HIGD1C: variants seen among roughly 807,000 people sequenced by gnomAD.
The protein encoded by HIGD1C is HIG1 domain family member 1C.
HIGD1C carries 11 observed loss-of-function variants against 13.1 expected under a neutral mutation model. The observed-to-expected ratio is 0.84, with a 90% CI of 0.53 to 1.39. HIGD1C has a LOEUF of 1.39. HIGD1C is among the 40% of genes most tolerant of loss of function. HIGD1C has a pLI of 0.00. For synonymous variants in HIGD1C, 36 were observed against 37.7 expected, an observed-to-expected ratio of 0.95 and a Z score of 0.17; for missense variants, 110 against 112.0, an observed-to-expected ratio of 0.98 and a Z score of 0.08.
chr12:50,932,357 C>A, the HIGD1C span: 2 of 152,044 alleles, frequency 1.3e-5, no homozygotes, highest in African/African-American at 4.8e-5. Flanking sequence ...CCTCTGAAAG[C>A]GAGTGTTAGG....
chr12:50,961,832 G>A (rs4768871), intron 2 of HIGD1C, among the ~76,000 whole-genome samples: 9,575 of 152,198 alleles, frequency 0.063, 661 homozygotes, highest in East Asian at 0.28. Context: ...ACAGAATGAT[G>A]GGCATGGGGC....
chr12:50,931,423 CA>C, the HIGD1C span: 2 of 151,470 alleles, frequency 1.3e-5, no homozygotes, highest in African/African-American at 2.4e-5. Context: ...AAAAAAGAGA[CA>C]GGGGGCTGGG....
At chr12:50,951,482 T>C (rs12305170), upstream of HIGD1C, among the ~76,000 whole-genome samples, 27,636 of 152,184 alleles carry the variant, frequency 0.18, 2,883 homozygotes, top group East Asian at 0.5. Context: ...TCTCCTGATA[T>C]TTCACACTAA....
chr12:50,943,054 C>T, the HIGD1C span, among the ~76,000 whole-genome samples: 3 of 151,488 alleles, frequency 2.0e-5, no homozygotes, highest in East Asian at 2.0e-4. Context: ...TTAGTAGAGA[C>T]GGGGTTTCAC....
At chr12:50,932,543 T>C in the HIGD1C span, 1 of 152,248 alleles carries the variant, frequency 6.6e-6, no homozygotes, top group Non-Finnish European at 1.5e-5. Flanking sequence ...GGTTTCCTTT[T>C]TCTTAATGTC....
chr12:50,951,922 C>CAAAA (rs202149759), upstream of HIGD1C, among the ~76,000 whole-genome samples: 1 of 87,360 alleles, frequency 1.1e-5, no homozygotes, highest in African/African-American at 4.0e-5. Flanking sequence ...AACTCCATCT[C>CAAAA]AAAAAAAAAA....
the HIGD1C span, among the ~76,000 whole-genome samples, chr12:50,945,606 C>T: frequency 5.3e-5 from 8 of 152,290 alleles, no homozygotes; most frequent in African/African-American, 1.9e-4. Context: ...GAAGAACATT[C>T]CATGCTCATG....
intron 1 of HIGD1C, among the ~76,000 whole-genome samples, chr12:50,960,745 C>T (rs1784763367): frequency 6.6e-6 from 1 of 151,918 alleles, no homozygotes; most frequent in African/African-American, 2.4e-5. Flanking sequence ...TGCAGTGGTG[C>T]AATCACAGCT....
intron 2 of HIGD1C, among the ~76,000 whole-genome samples, chr12:50,965,876 A>T (rs941218927): frequency 2.6e-5 from 4 of 152,176 alleles, no homozygotes; most frequent in African/African-American, 9.7e-5. Context: ...CTCCCTCTTC[A>T]TTCAAGGGAT....
the HIGD1C span, among the ~76,000 whole-genome samples, chr12:50,937,381 T>C: frequency 0.19 from 29,041 of 152,206 alleles, 2,872 homozygotes; most frequent in South Asian, 0.27. Flanking sequence ...GAGGGGAATG[T>C]GGTGACATCA....
At chr12:50,939,279 C>G in the HIGD1C span, among the ~76,000 whole-genome samples, 1 of 151,792 alleles carries the variant, frequency 6.6e-6, no homozygotes, top group Non-Finnish European at 1.5e-5. Context: ...TCCTGGGTAT[C>G]TGGAATTACA....
chr12:50,954,866 A>T (rs564369852), intron 1 of HIGD1C, among the ~76,000 whole-genome samples: 1 of 152,326 alleles, frequency 6.6e-6, no homozygotes, highest in South Asian at 2.1e-4. Flanking sequence ...AAAAGCCTGG[A>T]TCTATCTGAA....
upstream of HIGD1C, among the ~76,000 whole-genome samples, chr12:50,953,469 T>C (rs1372392152): frequency 6.6e-6 from 1 of 152,238 alleles, no homozygotes. Flanking sequence ...TTGTCTAGCA[T>C]AGCAACTGGC....
At chr12:50,939,865 A>C in the HIGD1C span, 1 of 152,266 alleles carries the variant, frequency 6.6e-6, no homozygotes, top group African/African-American at 2.4e-5. Flanking sequence ...CTATCAGAAA[A>C]GATATTTTAC....
upstream of HIGD1C, among the ~76,000 whole-genome samples, chr12:50,951,641 G>A (rs1318966701): frequency 1.3e-5 from 2 of 152,106 alleles, no homozygotes; most frequent in African/African-American, 2.4e-5. Context: ...AAGGTCGGCT[G>A]GGCGCGGTGG....
chr12:50,955,714 C>G (rs1298166653), intron 1 of HIGD1C, among the ~76,000 whole-genome samples: 2 of 152,106 alleles, frequency 1.3e-5, no homozygotes, highest in East Asian at 3.9e-4. Flanking sequence ...ATAATAGCAC[C>G]CATAAGAAAT....
chr12:50,953,905 C>T, upstream of HIGD1C: 2 of 682,506 alleles, frequency 2.9e-6, no homozygotes. Flanking sequence ...AACAAAAAAA[C>T]ACATAATCAA....
At chr12:50,970,567 T>C (rs1939727129), downstream of HIGD1C, 3 of 1,019,872 alleles carry the variant, frequency 2.9e-6, no homozygotes, top group Admixed American at 2.3e-5. Flanking sequence ...TTATGAAGAA[T>C]AAATTTTCAA....
chr12:50,969,065 C>T (rs1461000598), intron 2 of HIGD1C, among the ~76,000 whole-genome samples: 2 of 151,628 alleles, frequency 1.3e-5, no homozygotes, highest in East Asian at 2.0e-4. Context: ...GAGGCAGAGG[C>T]GGGTGGATCA....
Sources: gnomAD v4.1 joint callset for allele counts (sites outside exome capture counted in the v4.1 genomes callset) on GRCh38, gnomAD v4.1.1 for gene constraint, MANE v1.5 for transcripts, NCBI Gene and HGNC (gene_info 2026-07-23, HGNC 2026-07-21) for gene names.